TRPM6: variants seen among roughly 807,000 people sequenced by gnomAD.
The protein encoded by TRPM6 is channel kinase 2.
In TRPM6, 111 loss-of-function variants were observed where a neutral mutation model predicts 247.6. That is an observed-to-expected ratio of 0.45 (90% CI 0.38 to 0.52). The LOEUF (loss-of-function observed/expected upper bound fraction) is 0.52, where lower values mean the gene tolerates loss of function less well. Among genes scored for constraint, TRPM6 ranks in the 20% least tolerant of loss-of-function variants. TRPM6 has a pLI of 0.00. For missense variants in TRPM6, 2,126 were observed against 2,421.5 expected (o/e 0.88, Z 2.56); for synonymous variants, 892 against 853.8 (o/e 1.04, Z -0.78).
intron 38 of TRPM6, among the ~76,000 whole-genome samples, chr9:74,727,381 C>CAAAAAAAAAAAAAAAAAAAA (rs763828073): frequency 1.9e-5 from 1 of 52,242 alleles, no homozygotes; most frequent in Non-Finnish European, 4.0e-5. Context: ...GACTCCGTCT[C>CAAAAAAAAAAAAAAAAAAAA]AAAAAAAAAA....
At chr9:74,861,006 G>C (rs1258448697) in intron 1 of TRPM6, among the ~76,000 whole-genome samples, 1 of 149,112 alleles carries the variant, frequency 6.7e-6, no homozygotes, top group East Asian at 2.0e-4. Flanking sequence ...CTGGGCGACA[G>C]AGTGAGACCT....
intron 1 of TRPM6, among the ~76,000 whole-genome samples, chr9:74,872,898 C>T (rs1831074286): frequency 6.6e-6 from 1 of 152,168 alleles, no homozygotes; most frequent in African/African-American, 2.4e-5. Flanking sequence ...CTAATTTTCT[C>T]TTCAATCCAT....
chr9:74,725,397 TG>T (rs779461770), intron 38 of TRPM6, among the ~76,000 whole-genome samples: 3 of 152,136 alleles, frequency 2.0e-5, no homozygotes, highest in Non-Finnish European at 4.4e-5. Context: ...GAGGATTATG[TG>T]GAAATAAAAC....
chr9:74,815,442 T>A (rs929604462), intron 11 of TRPM6, among the ~76,000 whole-genome samples: 21 of 152,180 alleles, frequency 1.4e-4, no homozygotes, highest in Admixed American at 5.2e-4. Flanking sequence ...TCTCTCATAC[T>A]CCCTTTCTCA....
chr9:74,723,994 T>A lies in TRPM6; in HGVS notation c.*619A>T, dbSNP rs185293144. 3.7e-4 allele frequency: 56 copies of A among 151,468 alleles called. 1 individual carries two copies. The highest frequency in any genetic ancestry group is 1.0e-3 in the African/African-American group (42 of 41,256). 9.4% of individuals were successfully genotyped at this position (151,468 alleles called of 1,614,324 possible). On this transcript the variant is annotated 3_prime_UTR_variant, in exon 39 of 39. Transcript: ENST00000360774. ...AGAAACCTGAAATATCCAGGCATCA[T>A]ATGATTCACTGACAATATCTGAAAC...
At chr9:74,855,373 C>T (rs1830492850) in intron 3 of TRPM6, among the ~76,000 whole-genome samples, 154 bp downstream of exon 3, 1 of 152,212 alleles carries the variant, frequency 6.6e-6, no homozygotes, top group African/African-American at 2.4e-5. Flanking sequence ...CGAATACTCA[C>T]TCTCCATCAA....
At chr9:74,837,811 A>G (rs1300421233) in intron 5 of TRPM6, among the ~76,000 whole-genome samples, 1 of 146,688 alleles carries the variant, frequency 6.8e-6, no homozygotes, top group Non-Finnish European at 1.5e-5. Flanking sequence ...GTAGAGTGAC[A>G]TGATCATAGC....
intron 23 of TRPM6, among the ~76,000 whole-genome samples, chr9:74,780,110 T>C (rs1296970297): frequency 6.7e-6 from 1 of 149,960 alleles, no homozygotes; most frequent in Non-Finnish European, 1.5e-5. Flanking sequence ...AGGCAAAGGT[T>C]GCAGTGAGCC....
At chr9:74,751,810 C>T (rs1826258074) in intron 29 of TRPM6, among the ~76,000 whole-genome samples, 1 of 152,196 alleles carries the variant, frequency 6.6e-6, no homozygotes. Flanking sequence ...GGACTCACTA[C>T]TTCCAGAAAT....
At chr9:74,819,764 T>C (rs926596353) in intron 9 of TRPM6, among the ~76,000 whole-genome samples, 1 of 152,144 alleles carries the variant, frequency 6.6e-6, no homozygotes, top group African/African-American at 2.4e-5. Flanking sequence ...GAGCTGTTCC[T>C]TTACCCTCTG....
chr9:74,731,208 T>C (rs73530655), intron 37 of TRPM6, among the ~76,000 whole-genome samples: 5,853 of 152,278 alleles, frequency 0.038, 374 homozygotes, highest in African/African-American at 0.13. Flanking sequence ...AAGTGACATA[T>C]GCCAAGGTCA....
rs1478985634 is a variant in TRPM6, at chr9:74,854,075, G to A, written c.152+1452C>T. Among the ~76,000 whole-genome samples the A allele has an allele frequency of 2.0e-5, 3 of 152,268 alleles. 1 individual carries two copies. The highest frequency in any genetic ancestry group is 2.0e-4 in the Admixed American group (3 of 15,300). ...TCAGAAACAAAGCCATAGATGGATG[G>A]AAATGTGGTATATAACACAGACAGC... is the stretch of plus-strand genomic sequence containing the variant. On this transcript the variant is annotated intron_variant, in intron 3 of 38. Transcript: ENST00000360774.
At chr9:74,811,585 C>T (rs543044262) in intron 12 of TRPM6, among the ~76,000 whole-genome samples, 1 of 152,268 alleles carries the variant, frequency 6.6e-6, no homozygotes, top group Non-Finnish European at 1.5e-5. Context: ...TGAGATACTT[C>T]CAATAACTCA....
chr9:74,777,459 C>T (rs1827263962), intron 23 of TRPM6, among the ~76,000 whole-genome samples: 1 of 152,184 alleles, frequency 6.6e-6, no homozygotes, highest in African/African-American at 2.4e-5. Context: ...TTTTTTGACA[C>T]TGGACATTTG....
intron 1 of TRPM6, chr9:74,887,604 G>A: frequency 6.5e-7 from 1 of 1,532,376 alleles, no homozygotes; most frequent in Non-Finnish European, 8.8e-7. Context: ...GGGGCTGCGG[G>A]ACCTGCCCTG....
chr9:74,825,123 G>A (rs924339940), intron 7 of TRPM6, among the ~76,000 whole-genome samples: 2 of 152,140 alleles, frequency 1.3e-5, no homozygotes, highest in Non-Finnish European at 2.9e-5. Context: ...TTAGCCGGGT[G>A]TGGTGGCAGG....
chr9:74,825,331 CT>C (rs1388821780), intron 7 of TRPM6, among the ~76,000 whole-genome samples: 1 of 152,052 alleles, frequency 6.6e-6, no homozygotes, highest in Non-Finnish European at 1.5e-5. Flanking sequence ...AAATAAATCC[CT>C]TTTTGATCAA....
At chr9:74,797,283 G>T (rs912140221) in intron 17 of TRPM6, among the ~76,000 whole-genome samples, 5 of 152,170 alleles carry the variant, frequency 3.3e-5, no homozygotes, top group East Asian at 1.9e-4. Flanking sequence ...TAAGTGAAAA[G>T]ATCAAATTAC....
intron 3 of TRPM6, among the ~76,000 whole-genome samples, chr9:74,853,028 G>C (rs576858791): frequency 5.0e-5 from 7 of 140,514 alleles, no homozygotes; most frequent in Non-Finnish European, 1.1e-4. Flanking sequence ...CCGGCCCCCC[G>C]TCGTCTGAGA....
Sources: allele counts gnomAD v4.1 joint callset (sites outside exome capture counted in the v4.1 genomes callset), GRCh38; gene constraint gnomAD v4.1.1; transcripts MANE v1.5; gene names NCBI Gene and HGNC (gene_info 2026-07-23, HGNC 2026-07-21).